The following ARB2A variants were observed in gnomAD, a reference collection of about 807,000 sequenced individuals.
The protein encoded by ARB2A is ARB2 cotranscriptional regulator A, also known as cotranscriptional regulator ARB2A.
chr5:94,102,706 C>G, the ARB2A span, among the ~76,000 whole-genome samples: 2 of 151,874 alleles, frequency 1.3e-5, no homozygotes, highest in African/African-American at 4.8e-5. Context: ...ATGCTGAAGA[C>G]AAATAGTCTT....
At chr5:93,845,211 A>G in the ARB2A span, among the ~76,000 whole-genome samples, 10 of 152,236 alleles carry the variant, frequency 6.6e-5, no homozygotes, top group Non-Finnish European at 1.5e-4. Flanking sequence ...AGGAGTTTTC[A>G]TCTAATAGTA....
At chr5:94,083,706 G>A in the ARB2A span, among the ~76,000 whole-genome samples, 134 of 151,452 alleles carry the variant, frequency 8.8e-4, no homozygotes, top group African/African-American at 2.6e-3. Context: ...AATGCAGTAG[G>A]ACACTGAAAA....
At chr5:93,784,640 T>G in the ARB2A span, 1 of 606,412 alleles carries the variant, frequency 1.6e-6, no homozygotes. Context: ...ACTCTTTTTT[T>G]GCATTGAACA....
chr5:93,901,413 G>A, the ARB2A span, among the ~76,000 whole-genome samples: 4 of 152,106 alleles, frequency 2.6e-5, no homozygotes, highest in African/African-American at 7.2e-5. Flanking sequence ...GAACAGAAGC[G>A]TAGCTCATGA....
the ARB2A span, among the ~76,000 whole-genome samples, chr5:93,686,519 A>C: frequency 6.6e-6 from 1 of 151,998 alleles, no homozygotes; most frequent in Admixed American, 6.6e-5. Context: ...TCCCTTTCTT[A>C]CCTTAAAAAA....
the ARB2A span, among the ~76,000 whole-genome samples, chr5:93,950,963 A>G: frequency 1.6e-5 from 2 of 121,338 alleles, no homozygotes; most frequent in Non-Finnish European, 3.9e-5. Flanking sequence ...AAAAAATAAA[A>G]TAAAATAAAA....
At chr5:93,776,024 T>C in the ARB2A span, 9 of 720,026 alleles carry the variant, frequency 1.2e-5, no homozygotes, top group Non-Finnish European at 2.1e-5. Context: ...TACCCATGCA[T>C]AACATTACCA....
At chr5:93,683,106 G>C in the ARB2A span, 17 of 1,552,244 alleles carry the variant, frequency 1.1e-5, 1 homozygote, top group South Asian at 1.8e-4. Flanking sequence ...TTTGACTTTT[G>C]TGCATTTTTG....
At chr5:93,918,009 C>A in the ARB2A span, among the ~76,000 whole-genome samples, 1 of 152,194 alleles carries the variant, frequency 6.6e-6, no homozygotes, top group Non-Finnish European at 1.5e-5. Context: ...TCTATTCTTT[C>A]TTAAGCCACA....
chr5:94,036,450 A>G, the ARB2A span, among the ~76,000 whole-genome samples: 1 of 152,224 alleles, frequency 6.6e-6, no homozygotes, highest in Non-Finnish European at 1.5e-5. Context: ...CTGTAAGTTC[A>G]TAAGATATTG....
the ARB2A span, among the ~76,000 whole-genome samples, chr5:93,625,287 A>G: frequency 6.6e-6 from 1 of 152,202 alleles, no homozygotes; most frequent in African/African-American, 2.4e-5. Flanking sequence ...AGATTATGTT[A>G]TCTGTAGAAT....
the ARB2A span, among the ~76,000 whole-genome samples, chr5:93,761,233 G>A: frequency 1.2e-4 from 18 of 152,126 alleles, no homozygotes; most frequent in South Asian, 4.1e-4. Flanking sequence ...GCAGCACACC[G>A]AGCGTGAGCC....
the ARB2A span, among the ~76,000 whole-genome samples, chr5:93,754,878 T>C: frequency 2.0e-5 from 3 of 152,344 alleles, no homozygotes; most frequent in Admixed American, 6.5e-5. Flanking sequence ...TTTTCTATCA[T>C]CTTTCTGTGG....
the ARB2A span, among the ~76,000 whole-genome samples, chr5:93,794,053 G>T: frequency 1.9e-4 from 29 of 152,234 alleles, no homozygotes; most frequent in African/African-American, 7.0e-4. Context: ...TTTATTGAAG[G>T]TGCAACTGAG....
At chr5:93,896,959 G>A in the ARB2A span, among the ~76,000 whole-genome samples, 1 of 152,100 alleles carries the variant, frequency 6.6e-6, no homozygotes, top group East Asian at 1.9e-4. Context: ...TCCAAGAAGT[G>A]ATTAGAGCAT....
the ARB2A span, among the ~76,000 whole-genome samples, chr5:93,723,583 C>T: frequency 6.6e-6 from 1 of 151,968 alleles, no homozygotes; most frequent in African/African-American, 2.4e-5. Context: ...GTAACTAGAA[C>T]TTTAGAATGG....
chr5:93,761,140 G>A, the ARB2A span, among the ~76,000 whole-genome samples: 3 of 152,188 alleles, frequency 2.0e-5, no homozygotes, highest in African/African-American at 7.2e-5. Context: ...CGACGCAGAA[G>A]ACGGGTGATT....
At chr5:94,047,107 G>A in the ARB2A span, among the ~76,000 whole-genome samples, 7 of 152,068 alleles carry the variant, frequency 4.6e-5, no homozygotes, top group Non-Finnish European at 1.5e-5. Flanking sequence ...AGGAAAATAT[G>A]TTTACTTTTG....
At chr5:94,014,391 A>G in the ARB2A span, among the ~76,000 whole-genome samples, 1 of 152,238 alleles carries the variant, frequency 6.6e-6, no homozygotes, top group Non-Finnish European at 1.5e-5. Context: ...GCAGTAAAGA[A>G]TCTATCTCTA....
Sources: gnomAD v4.1 joint callset for allele counts (sites outside exome capture counted in the v4.1 genomes callset) on GRCh38, gnomAD v4.1.1 for gene constraint, MANE v1.5 for transcripts, NCBI Gene and HGNC (gene_info 2026-07-23, HGNC 2026-07-21) for gene names.